HMCN1: variants seen among roughly 807,000 people sequenced by gnomAD.
HMCN1 encodes the protein hemicentin-1.
Under a neutral mutation model 625.9 loss-of-function variants are expected in HMCN1, and 321 were observed. The observed-to-expected ratio is 0.51, with a 90% CI of 0.47 to 0.56. HMCN1 has a LOEUF of 0.56. Among genes scored for constraint, HMCN1 ranks in the 20% least tolerant of loss-of-function variants. The pLI, the probability that HMCN1 is intolerant of heterozygous loss-of-function variation, is 0.00. For missense variants in HMCN1, 6,588 were observed against 6,887.3 expected (o/e 0.96, Z 1.54); for synonymous variants, 2,425 against 2,417.6 (o/e 1.00, Z -0.09).
In HMCN1 at chr1:186,016,248, G is replaced by A. The variant is rs762931528; in HGVS notation, c.5191+9G>A. 4 of 1,610,098 alleles carry A rather than the reference G, an allele frequency of 2.5e-6. No individual in the cohort carries two copies. The highest frequency in any genetic ancestry group is 1.1e-5 in the South Asian group (1 of 90,920). On this transcript the variant is annotated intron_variant, in intron 32 of 106. Transcript: ENST00000271588. ...TGAAGTTGATGTCTTGGGTAAATAA[G>A]GATGCCACTGCCTGGGTTCTCAGAT...
intron 6 of HMCN1, among the ~76,000 whole-genome samples, chr1:185,918,443 T>A (rs1666838063): frequency 6.6e-6 from 1 of 152,210 alleles, no homozygotes; most frequent in Admixed American, 6.5e-5. Context: ...AGCTAGATAG[T>A]GCCCACCCAC....
intron 1 of HMCN1, among the ~76,000 whole-genome samples, chr1:185,824,298 A>T (rs144575636): frequency 6.6e-6 from 1 of 152,320 alleles, no homozygotes; most frequent in Non-Finnish European, 1.5e-5. Flanking sequence ...CACTAAACTT[A>T]TTAACCCAGA....
chr1:185,912,035 G>A (rs1160062948), intron 6 of HMCN1, among the ~76,000 whole-genome samples: 1 of 152,156 alleles, frequency 6.6e-6, no homozygotes, highest in Non-Finnish European at 1.5e-5. Flanking sequence ...CATCAAATCT[G>A]TAGATTTATT....
In HMCN1 at chr1:185,962,543, C is replaced by T. The variant is rs1441870062; in HGVS notation, c.1854C>T (p.Pro618=). 6.2e-7 allele frequency: 1 copy of T among 1,613,204 alleles called. No homozygotes were observed. ...VQEPPKVTVM[P]KNQSFTGGSE... is the part of the protein sequence containing the mutation. ...AACCACCCAAAGTCACTGTGATGCC[C>T]AAGAATCAGTCTTTCACAGGAGGGT... The change falls in exon 12 of 107, where the codon CCC becomes CCT. Residue 618 remains proline (P), a synonymous_variant. Coordinates refer to ENST00000271588, the MANE Select transcript of HMCN1 (RefSeq NM_031935.3).
intron 10 of HMCN1, among the ~76,000 whole-genome samples, chr1:185,929,273 T>C (rs1177560408): frequency 6.6e-6 from 1 of 152,148 alleles, no homozygotes; most frequent in African/African-American, 2.4e-5. Flanking sequence ...GCTACAATAT[T>C]CGCACTAAGA....
intron 33 of HMCN1, among the ~76,000 whole-genome samples, chr1:186,017,955 A>T (rs1468708818): frequency 6.6e-6 from 1 of 151,942 alleles, no homozygotes; most frequent in African/African-American, 2.4e-5. Flanking sequence ...TTGTAGCCTA[A>T]AATTAGTAGA....
At chr1:185,832,038 A>G (rs1660894454) in intron 1 of HMCN1, among the ~76,000 whole-genome samples, 1 of 152,084 alleles carries the variant, frequency 6.6e-6, no homozygotes, top group South Asian at 2.1e-4. Context: ...GCTCACGCCT[A>G]TAATTCCAGC....
intron 24 of HMCN1, among the ~76,000 whole-genome samples, chr1:185,997,203 C>T (rs1652850693): frequency 6.6e-6 from 1 of 152,012 alleles, no homozygotes; most frequent in Non-Finnish European, 1.5e-5. Context: ...GGGAACAGAA[C>T]AGGATTGTGG....
intron 4 of HMCN1, among the ~76,000 whole-genome samples, chr1:185,892,875 G>C (rs527842034): frequency 4.5e-4 from 68 of 152,320 alleles, no homozygotes; most frequent in Middle Eastern, 3.4e-3. Context: ...TTTACCTACG[G>C]AAGCCTGGTC....
At chr1:186,033,993 T>C (rs906927377) in intron 36 of HMCN1, among the ~76,000 whole-genome samples, 4 of 152,212 alleles carry the variant, frequency 2.6e-5, no homozygotes, top group African/African-American at 9.6e-5. Context: ...CTTATTAATA[T>C]GTTAGGTTAC....
chr1:185,935,654 C>G (rs548446252), intron 11 of HMCN1, among the ~76,000 whole-genome samples: 1 of 152,128 alleles, frequency 6.6e-6, no homozygotes, highest in South Asian at 2.1e-4. Context: ...GTAAATCTGT[C>G]TAGAGGTGTT....
intron 9 of HMCN1, among the ~76,000 whole-genome samples, chr1:185,926,061 G>A (rs955025075): frequency 1.3e-5 from 2 of 152,158 alleles, no homozygotes; most frequent in Non-Finnish European, 2.9e-5. Flanking sequence ...ACAAATACTA[G>A]TAATTTCATG....
At chr1:185,871,365 G>A (rs1014605095) in intron 4 of HMCN1, among the ~76,000 whole-genome samples, 1 of 152,098 alleles carries the variant, frequency 6.6e-6, no homozygotes, top group Admixed American at 6.6e-5. Context: ...TAACGCTCTG[G>A]GACCATGGCT....
At chr1:185,769,329 C>G (rs559348602) in intron 1 of HMCN1, among the ~76,000 whole-genome samples, 2 of 152,020 alleles carry the variant, frequency 1.3e-5, no homozygotes, top group Non-Finnish European at 2.9e-5. Context: ...GCACCTGTTG[C>G]CCCAGCTACT....
At chr1:185,877,929 T>C (rs1160468883) in intron 4 of HMCN1, among the ~76,000 whole-genome samples, 1 of 152,100 alleles carries the variant, frequency 6.6e-6, no homozygotes, top group Non-Finnish European at 1.5e-5. Flanking sequence ...CTGTTGTTCC[T>C]CTCTTTGTCC....
intron 34 of HMCN1, among the ~76,000 whole-genome samples, chr1:186,019,013 G>C (rs945291420): frequency 3.3e-5 from 5 of 152,002 alleles, no homozygotes; most frequent in Admixed American, 1.3e-4. Flanking sequence ...TGTCTCTGCA[G>C]ACTGCTGTTT....
chr1:186,121,999 A>T lies in HMCN1; in HGVS notation c.12230-952A>T, dbSNP rs78405224. 1.1e-3 allele frequency among the ~76,000 whole-genome samples: 167 copies of T among 152,332 alleles called. 2 individuals are homozygous for T. The highest frequency in any genetic ancestry group is 5.6e-3 in the East Asian group (29 of 5,188). On this transcript the variant is annotated intron_variant, in intron 80 of 106. Transcript: ENST00000271588. ...GTAGGATAAGGACCCAAAAGTATTC[A>T]TTGGTTTCAGCAACACAGAGGTCGT...
At chr1:185,830,186 A>T (rs1264221502) in intron 1 of HMCN1, among the ~76,000 whole-genome samples, 2 of 152,006 alleles carry the variant, frequency 1.3e-5, no homozygotes, top group Admixed American at 6.5e-5. Context: ...ATTTTCTCTC[A>T]TTCTGTAGAT....
At chr1:185,983,457 G>A (rs1414352769) in intron 18 of HMCN1, among the ~76,000 whole-genome samples, 1 of 152,110 alleles carries the variant, frequency 6.6e-6, no homozygotes, top group Non-Finnish European at 1.5e-5. Context: ...TTAAAAAAAA[G>A]TGAATTGACT....
Sources: gnomAD v4.1 joint callset for allele counts (sites outside exome capture counted in the v4.1 genomes callset) on GRCh38, gnomAD v4.1.1 for gene constraint, MANE v1.5 for transcripts, NCBI Gene and HGNC (gene_info 2026-07-23, HGNC 2026-07-21) for gene names.